LMBRD2: variants seen among roughly 807,000 people sequenced by gnomAD.
The protein encoded by LMBRD2 is LMBR1 domain containing 2.
In LMBRD2, 55 loss-of-function variants were observed where a neutral mutation model predicts 94.4. The ratio of observed to expected loss-of-function variants is 0.58; its 90% CI spans 0.47 to 0.73. The LOEUF (loss-of-function observed/expected upper bound fraction) is 0.73, where lower values mean the gene tolerates loss of function less well. Among genes scored for constraint, LMBRD2 ranks in the 30% least tolerant of loss-of-function variants. The pLI, the probability that LMBRD2 is intolerant of heterozygous loss-of-function variation, is 0.00. For missense variants in LMBRD2, 640 were observed against 831.9 expected, an observed-to-expected ratio of 0.77 and a Z score of 2.84; for synonymous variants, 246 against 272.4, an observed-to-expected ratio of 0.90 and a Z score of 0.95.
At chr5:36,126,285 TG>T (rs1744005877) in intron 6 of LMBRD2, among the ~76,000 whole-genome samples, 1 of 152,224 alleles carries the variant, frequency 6.6e-6, no homozygotes, top group African/African-American at 2.4e-5. Flanking sequence ...TGAAATACCA[TG>T]TTTTTTTCTT....
Position 36,111,185 on chromosome 5 carries a change from C to CT in LMBRD2, c.1713dup (p.Val572SerfsTer2), listed in dbSNP as rs984279372. 1 of 1,609,620 alleles carries CT rather than the reference C, an allele frequency of 6.2e-7. No individual in the cohort carries two copies. Among genetic ancestry groups the CT allele is most frequent in the Non-Finnish European group, 8.5e-7 (1 of 1,177,110 alleles). On this transcript the variant is annotated frameshift_variant, in exon 14 of 18. Transcript: ENST00000296603. LOFTEE classifies it high-confidence loss of function. ...CTGATTAATTCTTTTCCTTCATTAA[C>CT]TAAGTCTGATGTCATATCATCATCT...
At chr5:36,137,790 G>A (rs1221981269) in intron 4 of LMBRD2, among the ~76,000 whole-genome samples, 2 of 152,116 alleles carry the variant, frequency 1.3e-5, no homozygotes, top group Non-Finnish European at 2.9e-5. Flanking sequence ...GATGATGGTG[G>A]TAAGAAGCAA....
rs142065535 is a variant in LMBRD2, at chr5:36,115,715, T to TACACAC, written c.1437-601_1437-596dup. Among the ~76,000 whole-genome samples, 42 of 149,992 alleles carry TACACAC rather than the reference T, an allele frequency of 2.8e-4. 1 individual carries two copies. The highest frequency in any genetic ancestry group is 1.0e-3 in the African/African-American group (41 of 41,018). ...GATTGTGTTGGTGGCTACAGGAATC[T>TACACAC]ACACACACACACACACACACGAATG... On this transcript the variant is annotated intron_variant, in intron 11 of 17. Transcript: ENST00000296603.
At chr5:36,147,930 T>C (rs965334966) in intron 1 of LMBRD2, 1 of 402,126 alleles carries the variant, frequency 2.5e-6, no homozygotes, top group Admixed American at 3.5e-5. Flanking sequence ...CATTCTCAAA[T>C]ACTGTTAACT....
chr5:36,128,706 C>T (rs1579516168), intron 6 of LMBRD2, among the ~76,000 whole-genome samples: 1 of 152,014 alleles, frequency 6.6e-6, no homozygotes, highest in Non-Finnish European at 1.5e-5. Flanking sequence ...GCCTGGGTAA[C>T]ACAGTGAGAC....
At chr5:36,118,702 G>A (rs1743817477) in intron 9 of LMBRD2, among the ~76,000 whole-genome samples, 1 of 150,984 alleles carries the variant, frequency 6.6e-6, no homozygotes, top group Admixed American at 6.6e-5. Context: ...CCAGGCTGGA[G>A]TGCAGTGGCA....
At chr5:36,130,603 T>C (rs545840778) in intron 6 of LMBRD2, among the ~76,000 whole-genome samples, 10 of 152,084 alleles carry the variant, frequency 6.6e-5, no homozygotes, top group Admixed American at 3.9e-4. Context: ...TGAATGTAAA[T>C]GAACTAAACT....
intron 16 of LMBRD2, 54 bp from the exon 17 acceptor site, chr5:36,105,251 G>C: frequency 6.4e-7 from 1 of 1,560,342 alleles, no homozygotes; most frequent in Non-Finnish European, 8.8e-7. Context: ...TAACTTATGG[G>C]TCACAGTCTA....
At chr5:36,123,778 C>T (rs184923228) in intron 7 of LMBRD2, among the ~76,000 whole-genome samples, 4 of 150,712 alleles carry the variant, frequency 2.7e-5, no homozygotes, top group African/African-American at 9.7e-5. Flanking sequence ...TAACATCATT[C>T]ATTTTATGAT....
intron 4 of LMBRD2, among the ~76,000 whole-genome samples, chr5:36,139,299 T>C (rs1247120543): frequency 6.6e-6 from 1 of 152,178 alleles, no homozygotes; most frequent in African/African-American, 2.4e-5. Flanking sequence ...CTCTGGACTT[T>C]GGACATCAAC....
intron 1 of LMBRD2, among the ~76,000 whole-genome samples, chr5:36,150,896 G>A (rs1307541005): frequency 6.6e-6 from 1 of 152,202 alleles, no homozygotes; most frequent in African/African-American, 2.4e-5. Flanking sequence ...TTTTTTCAAG[G>A]AAACCAGAGG....
At chr5:36,137,158 T>C in intron 5 of LMBRD2, 116 bp downstream of exon 5, 1 of 627,790 alleles carries the variant, frequency 1.6e-6, no homozygotes, top group Non-Finnish European at 2.6e-6. Flanking sequence ...CCATAAAATA[T>C]GTAACAATAT....
intron 4 of LMBRD2, among the ~76,000 whole-genome samples, chr5:36,139,361 T>C (rs1414336915): frequency 2.0e-5 from 3 of 152,162 alleles, no homozygotes; most frequent in Admixed American, 2.0e-4. Context: ...AGCATGGGCC[T>C]GCAGGCACTG....
At chr5:36,132,138 C>A (rs978012856) in intron 6 of LMBRD2, among the ~76,000 whole-genome samples, 4 of 151,902 alleles carry the variant, frequency 2.6e-5, no homozygotes, top group Admixed American at 2.0e-4. Flanking sequence ...ATAGAGAACT[C>A]CAAAATAAAT....
chr5:36,143,237 G>A lies in LMBRD2; in HGVS notation c.113C>T (p.Thr38Ile). Residue 38 changes from threonine to isoleucine, a missense_variant, in exon 2 of 18, where the codon ACA becomes ATA. By Grantham distance (89) the Thr-to-Ile change is moderately conservative. Around this residue, in one of 2 missense-constraint regions of LMBRD2, gnomAD observed 457 missense variants for 642.8 expected, o/e 0.71. Transcript: ENST00000296603. ...AAAGCAGAGATACCAAGCAAGCAGT[G>A]TTCCAATAATCACAAGTCTATGCTG... ...KKQHRLVIIG[T>I]LLAWYLCFLI... The A allele has an allele frequency of 6.2e-7, 1 of 1,612,844 alleles. No homozygotes were observed. Among genetic ancestry groups the A allele is most frequent in the Non-Finnish European group, 8.5e-7 (1 of 1,178,956 alleles).
intron 16 of LMBRD2, among the ~76,000 whole-genome samples, chr5:36,107,182 T>A (rs1743492517): frequency 6.6e-6 from 1 of 152,180 alleles, no homozygotes; most frequent in African/African-American, 2.4e-5. Flanking sequence ...ATTTTTAACA[T>A]TTCTATTTAG....
intron 8 of LMBRD2, 26 bp from the exon 9 acceptor site, chr5:36,122,489 T>C (rs368751190): frequency 2.5e-6 from 4 of 1,593,504 alleles, no homozygotes; most frequent in Non-Finnish European, 3.4e-6. Flanking sequence ...GGGGTAGACC[T>C]GGCAGTGTTC....
At position 36,143,353 on chromosome 5, in the gene LMBRD2, T is replaced by C; in HGVS notation, c.-4A>G. On this transcript the variant is annotated 5_prime_UTR_variant, in exon 2 of 18. Transcript: ENST00000296603. ...GTCCCAAAGCTGCACCACTCATTAT[T>C]GAATATTTCACTCTGACTAACCAAA... 6.2e-7 allele frequency: 1 copy of C among 1,610,970 alleles called. No homozygotes were observed. Among genetic ancestry groups the C allele is most frequent in the Non-Finnish European group, 8.5e-7 (1 of 1,178,302 alleles).
chr5:36,124,326 G>GC, intron 6 of LMBRD2, 61 bp from the exon 7 acceptor site: 5 of 938,472 alleles, frequency 5.3e-6, no homozygotes, highest in Non-Finnish European at 6.7e-6. Context: ...TATTCCAAAT[G>GC]AGAATGCATT....
Sources: allele counts gnomAD v4.1 joint callset (sites outside exome capture counted in the v4.1 genomes callset), GRCh38; gene constraint gnomAD v4.1.1; regional missense constraint gnomAD v4.1.1; transcripts MANE v1.5; gene names NCBI Gene and HGNC (gene_info 2026-07-23, HGNC 2026-07-21).